The following DDB1 variants were observed in gnomAD, a reference collection of about 807,000 sequenced individuals.
DDB1 encodes DNA damage-binding protein 1.
Under a neutral mutation model 133.1 loss-of-function variants are expected in DDB1, and 18 were observed. The observed-to-expected ratio is 0.14, with a 90% CI of 0.09 to 0.20. The LOEUF is 0.20. DDB1 is among the 10% of genes least tolerant of loss of function. DDB1 has a pLI of 1.00. For missense variants in DDB1, 828 were observed against 1,459.2 expected, an observed-to-expected ratio of 0.57 and a Z score of 7.05; for synonymous variants, 580 against 550.5, an observed-to-expected ratio of 1.05 and a Z score of -0.75.
chr11:61,324,341 A>G (rs1856234646), intron 6 of DDB1: 1 of 547,062 alleles, frequency 1.8e-6, no homozygotes, highest in African/African-American at 1.9e-5. Flanking sequence ...TAATTTTCTG[A>G]GGCGCTCCAT....
intron 21 of DDB1, among the ~76,000 whole-genome samples, chr11:61,306,632 A>C (rs1855886194): frequency 6.6e-6 from 1 of 152,162 alleles, no homozygotes; most frequent in African/African-American, 2.4e-5. Flanking sequence ...TGGCATTACA[A>C]GTAACTGCAC....
In DDB1 at chr11:61,302,375, A is replaced by C; in HGVS notation, c.3113-16T>G. The C allele has an allele frequency of 6.2e-7, 1 of 1,613,040 alleles. No homozygotes were observed. On this transcript the variant is annotated splice_polypyrimidine_tract_variant and intron_variant, in intron 24 of 26. Transcript: ENST00000301764. ...GTCACCAGCCCTGAAGAAGTGAAGG[A>C]GGCAGTGAGCTGCAGAGAGCTCAAC...
intron 7 of DDB1, chr11:61,323,560 A>T (rs986221147): frequency 1.2e-5 from 3 of 243,028 alleles, no homozygotes; most frequent in Non-Finnish European, 1.6e-5. Flanking sequence ...CTACAGGCAC[A>T]CACCACCATA....
chr11:61,332,936 C>T lies in DDB1; in HGVS notation c.33G>A (p.Lys11=). The change falls in exon 1 of 27, where the codon AAG becomes AAA. Residue 11 remains lysine (K), a synonymous_variant. Transcript: ENST00000301764. ...TCACGCAGCCGTTCACGGCGGTGGG[C>T]TTCTGGGCCGTTACCACGTAGTTGT... MSYNYVVTAQ[K]PTAVNGCVTG... 6.6e-7 allele frequency: 1 copy of T among 1,516,608 alleles called. No homozygotes were observed. Among genetic ancestry groups the T allele is most frequent in the Non-Finnish European group, 8.9e-7 (1 of 1,127,000 alleles). The allele number at this position is 1,516,608 out of a possible 1,614,324, so 93.9% of individuals were successfully genotyped here.
intron 7 of DDB1, 146 bp downstream of exon 7, chr11:61,323,833 C>T: frequency 1.2e-6 from 1 of 841,048 alleles, no homozygotes; most frequent in African/African-American, 1.7e-5. Flanking sequence ...CTAACTCATT[C>T]AACAGTCAAC....
At chr11:61,323,547 G>T in intron 7 of DDB1, 1 of 238,222 alleles carries the variant, frequency 4.2e-6, no homozygotes, top group Admixed American at 5.0e-5. Flanking sequence ...CGAGTAGCTG[G>T]GACTACAGGC....
At chr11:61,331,450 C>T in intron 2 of DDB1, 93 bp downstream of exon 2, 1 of 1,525,826 alleles carries the variant, frequency 6.6e-7, no homozygotes, top group Non-Finnish European at 8.8e-7. Context: ...AGACCCCCGT[C>T]TCAAAGAAAA....
chr11:61,307,685 C>T (rs544986863), intron 21 of DDB1, among the ~76,000 whole-genome samples: 2 of 152,194 alleles, frequency 1.3e-5, no homozygotes, highest in African/African-American at 4.8e-5. Flanking sequence ...GGATTCCATA[C>T]CTCTCTCATT....
intron 2 of DDB1, chr11:61,330,278 A>T (rs1307116606): frequency 4.7e-6 from 2 of 423,990 alleles, no homozygotes; most frequent in Non-Finnish European, 8.4e-6. Flanking sequence ...GCTGGTAAAC[A>T]TCTAGTTCTC....
Position 61,316,984 on chromosome 11 carries a change from T to G in DDB1, c.1226-417A>C, listed in dbSNP as rs1298991548. On this transcript the variant is annotated intron_variant, in intron 10 of 26. Coordinates refer to ENST00000301764, the MANE Select transcript of DDB1 (RefSeq NM_001923.5). ...ATATATATATATATATATATATATA[T>G]ATATATATATATATAGACATGGCAG... Among the ~76,000 whole-genome samples the G allele has an allele frequency of 6.4e-3, 448 of 70,026 alleles. 42 individuals are homozygous for G. The highest frequency in any genetic ancestry group is 0.012 in the Non-Finnish European group (358 of 29,200). 45.9% of individuals were successfully genotyped at this position (70,026 alleles called of 152,430 possible).
chr11:61,321,338 A>AT, intron 10 of DDB1: 1 of 320,960 alleles, frequency 3.1e-6, no homozygotes, highest in Non-Finnish European at 5.6e-6. Context: ...AACAACATTA[A>AT]TTTTAATTTA....
At position 61,329,564 on chromosome 11, in the gene DDB1, T is replaced by A. The variant is rs1856330625; in HGVS notation, c.348A>T (p.Ser116=). ...GNVQDRIGRP[S]ETGIIGIIDP... ...CAATGATGCCAATAATGCCGGTCTC[T>A]GAGGGGCGGCCAATGCGGTCCTGAG... The change falls in exon 4 of 27, where the codon TCA becomes TCT. Residue 116 remains serine (S), a synonymous_variant. Transcript: ENST00000301764. 6.2e-7 allele frequency: 1 copy of A among 1,613,332 alleles called. No individual in the cohort carries two copies. Among genetic ancestry groups the A allele is most frequent in the Non-Finnish European group, 8.5e-7 (1 of 1,179,668 alleles).
At chr11:61,332,744 G>T in intron 1 of DDB1, 164 bp downstream of exon 1, 1 of 529,162 alleles carries the variant, frequency 1.9e-6, no homozygotes, top group Non-Finnish European at 3.1e-6. Flanking sequence ...GTACAGGGAC[G>T]ACTCTTTCGA....
In DDB1 at chr11:61,325,672, T is replaced by C; in HGVS notation, c.701A>G (p.Gln234Arg). Residue 234 changes from glutamine (Q) to arginine (R), a missense_variant, in exon 6 of 27, where the codon CAG (glutamine) becomes CGG (arginine). Gln to Arg is a conservative substitution (Grantham distance 43, BLOSUM62 1). Transcript: ENST00000301764. ...ACCATTGTGATAGGTGATTGACTCC[T>C]GTCCAATGATGATGGCCCCCCCAAA... is the stretch of plus-strand genomic sequence containing the variant. Reference protein sequence around the residue: ...EPFGGAIIIGQESITYHNGDK... With the variant: ...EPFGGAIIIGRESITYHNGDK... The C allele has an allele frequency of 1.2e-6, 2 of 1,613,622 alleles. No individual in the cohort carries two copies. Among genetic ancestry groups the C allele is most frequent in the African/African-American group, 1.3e-5 (1 of 75,050 alleles).
chr11:61,323,677 G>C, intron 7 of DDB1: 1 of 328,358 alleles, frequency 3.0e-6, no homozygotes, highest in South Asian at 3.6e-5. Flanking sequence ...GTCTCCCAAA[G>C]TGCTGGGATC....
In DDB1 at chr11:61,326,045, T is replaced by C. The variant is rs28720274; in HGVS notation, c.665-337A>G. 1.4e-4 allele frequency: 51 copies of C among 358,238 alleles called. No individual in the cohort carries two copies. The East Asian group carries it at 3.4e-3, about 24-fold the overall frequency. 22.2% of individuals were successfully genotyped at this position (358,238 alleles called of 1,614,324 possible). On this transcript the variant is annotated intron_variant, in intron 5 of 26. Transcript: ENST00000301764. ...CCAAGTAAAAGCTTTTACTTTTTTTTCCTGGTTTCCACTCTTGTTCCTTAG... is the reference window on the plus strand; with the variant it reads ...CCAAGTAAAAGCTTTTACTTTTTTTCCCTGGTTTCCACTCTTGTTCCTTAG...
chr11:61,308,590 A>G (rs28720333), intron 21 of DDB1, among the ~76,000 whole-genome samples: 54 of 152,344 alleles, frequency 3.5e-4, no homozygotes, highest in East Asian at 1.2e-3. Context: ...TAAAGATGGA[A>G]AAAAACTTTT....
chr11:61,316,086 A>C (rs1856060704), intron 12 of DDB1, 199 bp downstream of exon 12: 1 of 507,002 alleles, frequency 2.0e-6, no homozygotes, highest in Middle Eastern at 4.1e-4. Flanking sequence ...TTGCAGAAGA[A>C]AAATAAAGCT....
chr11:61,329,307 A>T, intron 4 of DDB1, 56 bp downstream of exon 4: 1 of 1,546,020 alleles, frequency 6.5e-7, no homozygotes, highest in Non-Finnish European at 8.9e-7. Flanking sequence ...GTTAGCAAAA[A>T]CAACTCCTAT....
Sources: allele counts gnomAD v4.1 joint callset (sites outside exome capture counted in the v4.1 genomes callset), GRCh38; gene constraint gnomAD v4.1.1; transcripts MANE v1.5; gene names NCBI Gene and HGNC (gene_info 2026-07-23, HGNC 2026-07-21).